The following ZNF548 variants were observed in gnomAD, a reference collection of about 807,000 sequenced individuals.
ZNF548 encodes zinc finger protein 548.
In ZNF548, 10 loss-of-function variants were observed where a neutral mutation model predicts 10.2. That is an observed-to-expected ratio of 0.98 (90% CI 0.60 to 1.66). The LOEUF is 1.66. ZNF548 is among the 40% of genes most tolerant of loss of function. The pLI is 0.00. For missense variants in ZNF548, 599 were observed against 657.0 expected (o/e 0.91, Z 0.97); for synonymous variants, 217 against 223.5 (o/e 0.97, Z 0.26).
At chr19:57,391,214 A>G (rs1180220429) in intron 1 of ZNF548, among the ~76,000 whole-genome samples, 1 of 150,918 alleles carries the variant, frequency 6.6e-6, no homozygotes, top group Non-Finnish European at 1.5e-5. Context: ...AACATTTGGT[A>G]TTTGACTTTC....
chr19:57,398,238 C>T (rs557208728), intron 3 of ZNF548, among the ~76,000 whole-genome samples, 192 bp from the exon 4 acceptor site: 11 of 152,352 alleles, frequency 7.2e-5, no homozygotes, highest in Non-Finnish European at 1.5e-4. Flanking sequence ...TTACCATCAT[C>T]AGGGCTCTCC....
chr19:57,392,892 A>G, intron 1 of ZNF548: 1 of 985,576 alleles, frequency 1.0e-6, no homozygotes, highest in Non-Finnish European at 1.2e-6. Context: ...AGAACGGTGC[A>G]GACCTGGCAT....
At chr19:57,397,246 C>T (rs982737930) in intron 3 of ZNF548, 72 bp downstream of exon 3, 5 of 1,478,030 alleles carry the variant, frequency 3.4e-6, no homozygotes, top group South Asian at 3.0e-5. Context: ...GGCAGCTCTG[C>T]GTTTCCCACA....
chr19:57,397,077 A>G lies in ZNF548; in HGVS notation c.81A>G (p.Ile27Met). 6.2e-7 allele frequency: 1 copy of G among 1,613,360 alleles called. No homozygotes were observed. The highest frequency in any genetic ancestry group is 8.5e-7 in the Non-Finnish European group (1 of 1,179,640). The change falls in exon 3 of 4, where the codon ATA becomes ATG. Residue 27 changes from isoleucine to methionine, a missense_variant. Transcript: ENST00000336128. The stretch of plus-strand genomic sequence containing the variant: ...GTGTGGTCTTTGAGGACGTGGCCAT[A>G]TATTTCTCCCAGGAGGAGTGGGGGC... ...QGRVVFEDVAIYFSQEEWGHL... is the reference protein window; with the variant it reads ...QGRVVFEDVAMYFSQEEWGHL...
In ZNF548 at chr19:57,398,759, G is replaced by T. The variant is rs779744413; in HGVS notation, c.508G>T (p.Gly170Cys). The T allele has an allele frequency of 5.3e-5, 86 of 1,613,852 alleles. 3 individuals carry two copies. The South Asian group carries it at 8.7e-4, about 16-fold the overall frequency. The change falls in exon 4 of 4, where the codon GGC (glycine) becomes TGC (cysteine). Residue 170 changes from glycine (G) to cysteine (C), a missense_variant. Coordinates refer to ENST00000336128, the MANE Select transcript of ZNF548 (RefSeq NM_001172773.2). Reference sequence around the variant, plus strand: ...AGAGGAGATCTTCACATGCATGGAGGGCTGGAAGGACTTACCAGCCACCTC... The same window carrying T: ...AGAGGAGATCTTCACATGCATGGAGTGCTGGAAGGACTTACCAGCCACCTC... ...MAEEIFTCME[G>C]WKDLPATSCL...
In ZNF548 at chr19:57,395,308, GA is replaced by G. The variant is rs1394718438; in HGVS notation, c.51+1086del. ...GGAGAGTGGACATGATGGGGTTGCT[GA>G]GGGGGGATAATAGGGTGAGGTCGGA... On this transcript the variant is annotated intron_variant, in intron 2 of 3. Transcript: ENST00000336128. The surrounding 1 kb of genome is among the most constrained non-coding windows in gnomAD (Gnocchi z 4.8). Among the ~76,000 whole-genome samples the G allele has an allele frequency of 6.6e-6, 1 of 152,162 alleles. No homozygotes were observed. Among genetic ancestry groups the G allele is most frequent in the Non-Finnish European group, 1.5e-5 (1 of 68,026 alleles).
intron 1 of ZNF548, among the ~76,000 whole-genome samples, chr19:57,392,097 C>T (rs754873289): frequency 6.6e-6 from 1 of 152,176 alleles, no homozygotes; most frequent in Non-Finnish European, 1.5e-5. Context: ...CCGCGCCCAG[C>T]CCTGTGCTTA....
intron 1 of ZNF548, among the ~76,000 whole-genome samples, chr19:57,391,335 G>GTA (rs1337959319): frequency 2.0e-5 from 3 of 148,248 alleles, no homozygotes; most frequent in Non-Finnish European, 4.5e-5. Flanking sequence ...ATTACCTTGT[G>GTA]TATATATATG....
chr19:57,391,825 G>A (rs1432206592), intron 1 of ZNF548, among the ~76,000 whole-genome samples: 45 of 110,740 alleles, frequency 4.1e-4, no homozygotes, highest in African/African-American at 1.5e-3. Flanking sequence ...ATGGAGTCTC[G>A]CTCCGTCGCC....
rs1199569544 is a variant in ZNF548 at position 57,398,595 on chromosome 19, A to G, written c.344A>G (p.Asn115Ser). The change falls in exon 4 of 4, where the codon AAT (asparagine) becomes AGT (serine). Residue 115 changes from asparagine (N) to serine (S), a missense_variant. Coordinates refer to ENST00000336128, the MANE Select transcript of ZNF548 (RefSeq NM_001172773.2). ...GACATTCTGTGCCTGGTTGAGCACA[A>G]TGGAATTCATCCTGAGCAACACATA... The part of the protein sequence containing the change: ...LKDILCLVEH[N>S]GIHPEQHIYI... 7.4e-6 allele frequency: 12 copies of G among 1,614,094 alleles called. No homozygotes were observed. The highest frequency in any genetic ancestry group is 2.2e-5 in the East Asian group (1 of 44,894).
rs1185663686 is a variant in ZNF548, at chr19:57,399,883, C to T, written c.1632C>T (p.Tyr544=). Residue 544 remains tyrosine, a synonymous_variant, in exon 4 of 4, where the codon TAC becomes TAT. Coordinates refer to ENST00000336128, the MANE Select transcript of ZNF548 (RefSeq NM_001172773.2). This position sits in a 1 kb window ranked among gnomAD's most constrained non-coding sequence, Gnocchi z 4.0. ...NIRDFTMEKV[Y]H The stretch of plus-strand genomic sequence containing the variant: ...GAGATTTCACAATGGAGAAAGTTTA[C>T]CATTGACTATTGTAATTGGGTAGTA... 1 of 1,586,526 alleles carries T rather than the reference C, an allele frequency of 6.3e-7. No individual in the cohort carries two copies. Among genetic ancestry groups the T allele is most frequent in the Non-Finnish European group, 8.6e-7 (1 of 1,163,178 alleles).
Position 57,395,218 on chromosome 19 carries a change from T to C in ZNF548, c.51+995T>C, listed in dbSNP as rs1017547256. Among the ~76,000 whole-genome samples the C allele has an allele frequency of 1.3e-5, 2 of 151,570 alleles. No homozygotes were observed. Among genetic ancestry groups the C allele is most frequent in the Non-Finnish European group, 2.9e-5 (2 of 67,924 alleles). ...AGGAGTCACTAGACAAATGAGGGAATGGAGTGTTTGTGGGGATGAGTGTAT... is the reference window on the plus strand; with the variant it reads ...AGGAGTCACTAGACAAATGAGGGAACGGAGTGTTTGTGGGGATGAGTGTAT... On this transcript the variant is annotated intron_variant, in intron 2 of 3. Transcript: ENST00000336128. This position sits in a 1 kb window ranked among gnomAD's most constrained non-coding sequence, Gnocchi z 4.8.
chr19:57,391,123 C>T (rs573383902), intron 1 of ZNF548, among the ~76,000 whole-genome samples: 3 of 152,250 alleles, frequency 2.0e-5, no homozygotes, highest in African/African-American at 7.2e-5. Flanking sequence ...CATCCTTCTA[C>T]CTGTTTGGAG....
rs182228835 is a variant in ZNF548 at position 57,399,087 on chromosome 19, G to A, written c.836G>A (p.Arg279Gln). 10 of 1,614,136 alleles carry A rather than the reference G, an allele frequency of 6.2e-6. No individual in the cohort carries two copies. Among genetic ancestry groups the A allele is most frequent in the South Asian group, 3.3e-5 (3 of 91,076 alleles). Residue 279 changes from arginine (R) to glutamine (Q), a missense_variant, in exon 4 of 4, where the codon CGA becomes CAA. Arg to Gln is a conservative substitution (Grantham distance 43). Coordinates refer to ENST00000336128, the MANE Select transcript of ZNF548 (RefSeq NM_001172773.2). The surrounding 1 kb of genome is among the most constrained non-coding windows in gnomAD (Gnocchi z 4.0). ...ECGKSFMYNY[R>Q]LMRHKRVHTG... ...GGAAAATCCTTTATGTACAACTACC[G>A]ACTCATGAGACATAAGCGAGTTCAC... is the stretch of plus-strand genomic sequence containing the variant.
chr19:57,394,556 C>CA (rs1315228989), intron 2 of ZNF548, among the ~76,000 whole-genome samples: 1 of 152,108 alleles, frequency 6.6e-6, no homozygotes, highest in African/African-American at 2.4e-5. Flanking sequence ...TAGAGGCACA[C>CA]AAACATCAGG....
At chr19:57,396,106 A>G (rs1198433557) in intron 2 of ZNF548, among the ~76,000 whole-genome samples, 1 of 152,022 alleles carries the variant, frequency 6.6e-6, no homozygotes, top group Non-Finnish European at 1.5e-5. Flanking sequence ...GTGGGCTGGG[A>G]GTTGTCTGTG....
chr19:57,391,789 GTTTTTTT>G (rs71186258), intron 1 of ZNF548, among the ~76,000 whole-genome samples: 2 of 93,584 alleles, frequency 2.1e-5, no homozygotes, highest in Admixed American at 1.5e-4. Context: ...TGTGCTTACT[GTTTTTTT>G]TTTTTTTTTT....
rs1014503166 is a variant in ZNF548 at position 57,395,104 on chromosome 19, T to C, written c.51+881T>C. Among the ~76,000 whole-genome samples, 3 of 152,000 alleles carry C rather than the reference T, an allele frequency of 2.0e-5. No homozygotes were observed. The highest frequency in any genetic ancestry group is 3.4e-3 in the Middle Eastern group (1 of 294). ...GATTCAGTTTAGGTGACAGCATCTC[T>C]AGGTTATGGTGGCAGTGCTGTTCGA... On this transcript the variant is annotated intron_variant, in intron 2 of 3. Transcript: ENST00000336128. The surrounding 1 kb of genome is among the most constrained non-coding windows in gnomAD (Gnocchi z 4.8).
chr19:57,402,038 G>T lies in ZNF548; in HGVS notation c.*2149G>T, dbSNP rs1324899239. 1 of 152,126 alleles carries T rather than the reference G, an allele frequency of 6.6e-6. No individual in the cohort carries two copies. The highest frequency in any genetic ancestry group is 1.5e-5 in the Non-Finnish European group (1 of 68,034). 9.4% of individuals were successfully genotyped at this position (152,126 alleles called of 1,614,324 possible). On this transcript the variant is annotated 3_prime_UTR_variant, in exon 4 of 4. Transcript: ENST00000336128. ...ACAGGCAGGAGTTGTAATGCACTGT[G>T]CCTGGCTACATTTAGATCTTTAATC...
Sources: gnomAD v4.1 joint callset for allele counts (sites outside exome capture counted in the v4.1 genomes callset) on GRCh38, gnomAD v4.1.1 for gene constraint, Gnocchi (gnomAD v3.1) non-coding constraint, MANE v1.5 for transcripts, NCBI Gene and HGNC (gene_info 2026-07-23, HGNC 2026-07-21) for gene names.